MLLT3: variants seen among roughly 807,000 people sequenced by gnomAD.
The protein encoded by MLLT3 is protein AF-9.
In MLLT3, 4 loss-of-function variants were observed where a neutral mutation model predicts 53.2. The observed-to-expected ratio is 0.08, with a 90% CI of 0.04 to 0.17. MLLT3 has a LOEUF of 0.17. Among genes scored for constraint, MLLT3 ranks in the 10% least tolerant of loss-of-function variants. The pLI is 1.00. For synonymous variants in MLLT3, 283 were observed against 230.6 expected (o/e 1.23, Z -2.06); for missense variants, 569 against 684.0 (o/e 0.83, Z 1.87).
intron 2 of MLLT3, among the ~76,000 whole-genome samples, chr9:20,553,448 T>A (rs995584225): frequency 2.0e-5 from 3 of 151,988 alleles, no homozygotes; most frequent in African/African-American, 7.3e-5. Flanking sequence ...AGAAAAAAAA[T>A]CCCTCCACTC....
rs541818110 is a variant in MLLT3, at chr9:20,350,411, C to T, written c.1575+3114G>A. On this transcript the variant is annotated intron_variant, in intron 10 of 10. Transcript: ENST00000380338. The stretch of plus-strand genomic sequence containing the variant: ...GAGATCAAGACCAACCCGGCTAAAA[C>T]GGTGAAACCCCGTCTCTACTAAAAA... 2.6e-3 allele frequency among the ~76,000 whole-genome samples: 401 copies of T among 151,916 alleles called. 1 individual carries two copies. The highest frequency in any genetic ancestry group is 9.4e-3 in the African/African-American group (388 of 41,310).
At chr9:20,540,470 G>C (rs1411343070) in intron 2 of MLLT3, among the ~76,000 whole-genome samples, 1 of 152,190 alleles carries the variant, frequency 6.6e-6, no homozygotes, top group South Asian at 2.1e-4. Flanking sequence ...CACACCCACA[G>C]GTCCAACACC....
intron 5 of MLLT3, among the ~76,000 whole-genome samples, chr9:20,375,295 T>A (rs1404235939): frequency 6.6e-6 from 1 of 152,252 alleles, no homozygotes; most frequent in East Asian, 1.9e-4. Flanking sequence ...TCTAATCCAA[T>A]GCTATTTGTA....
At chr9:20,431,867 TA>T (rs1212328828) in intron 4 of MLLT3, among the ~76,000 whole-genome samples, 1 of 152,008 alleles carries the variant, frequency 6.6e-6, no homozygotes, top group Non-Finnish European at 1.5e-5. Flanking sequence ...GTCAAAGTCA[TA>T]AAAAATACAT....
At chr9:20,408,266 C>T (rs1339192904) in intron 5 of MLLT3, among the ~76,000 whole-genome samples, 1 of 150,276 alleles carries the variant, frequency 6.7e-6, no homozygotes, top group African/African-American at 2.5e-5. Context: ...AAAAGGCCTC[C>T]AACTGTTTTT....
intron 5 of MLLT3, among the ~76,000 whole-genome samples, chr9:20,404,271 T>C (rs1165917899): frequency 6.6e-6 from 1 of 152,198 alleles, no homozygotes; most frequent in African/African-American, 2.4e-5. Context: ...TATAAATCAC[T>C]AGGTTCCTAG....
chr9:20,615,240 G>A (rs1820798552), intron 2 of MLLT3, among the ~76,000 whole-genome samples: 1 of 151,608 alleles, frequency 6.6e-6, no homozygotes, highest in Non-Finnish European at 1.5e-5. Context: ...AGTCTGAGCT[G>A]TTTGGGAAAT....
intron 2 of MLLT3, among the ~76,000 whole-genome samples, chr9:20,550,085 C>T (rs1050229654): frequency 5.9e-5 from 9 of 152,174 alleles, no homozygotes; most frequent in Non-Finnish European, 1.0e-4. Flanking sequence ...CATGGACACA[C>T]GCATTAAAAT....
chr9:20,380,512 G>T (rs1246361114), intron 5 of MLLT3, among the ~76,000 whole-genome samples: 1 of 151,910 alleles, frequency 6.6e-6, no homozygotes, highest in East Asian at 1.9e-4. Flanking sequence ...CATTATTCAG[G>T]AATTATTATT....
chr9:20,581,276 T>C (rs192396312), intron 2 of MLLT3, among the ~76,000 whole-genome samples: 20 of 152,144 alleles, frequency 1.3e-4, no homozygotes, highest in African/African-American at 2.9e-4. Context: ...TAAGTGGGAG[T>C]GGGAAGAGAT....
At chr9:20,558,005 C>A (rs1384820861) in intron 2 of MLLT3, among the ~76,000 whole-genome samples, 1 of 152,134 alleles carries the variant, frequency 6.6e-6, no homozygotes, top group Non-Finnish European at 1.5e-5. Flanking sequence ...GACATCACTG[C>A]CTATTCCTCT....
chr9:20,448,689 A>G lies in MLLT3; in HGVS notation c.277-423T>C, dbSNP rs974798417. 6.6e-6 allele frequency among the ~76,000 whole-genome samples: 1 copy of G among 152,106 alleles called. No homozygotes were observed. Among genetic ancestry groups the G allele is most frequent in the South Asian group, 2.1e-4 (1 of 4,824 alleles). On this transcript the variant is annotated intron_variant, in intron 3 of 10. Coordinates refer to ENST00000380338, the MANE Select transcript of MLLT3 (RefSeq NM_004529.4). This position sits in a 1 kb window ranked among gnomAD's most constrained non-coding sequence, Gnocchi z 4.0. ...GGCTTTTACTCATGGCCCAAACTATAAACTCTCTACTTTGGGATATATTCT... is the reference window on the plus strand; with the variant it reads ...GGCTTTTACTCATGGCCCAAACTATGAACTCTCTACTTTGGGATATATTCT...
intron 5 of MLLT3, among the ~76,000 whole-genome samples, chr9:20,390,828 G>A (rs1199725899): frequency 6.6e-6 from 1 of 152,182 alleles, no homozygotes; most frequent in African/African-American, 2.4e-5. Flanking sequence ...TTAAATTGAG[G>A]TGTGCCAGGC....
chr9:20,594,144 T>C (rs945576132), intron 2 of MLLT3, among the ~76,000 whole-genome samples: 3 of 152,094 alleles, frequency 2.0e-5, no homozygotes, highest in Non-Finnish European at 4.4e-5. Flanking sequence ...TTTCACCATA[T>C]TGGTCAAGCT....
At chr9:20,520,809 T>C (rs1371953037) in intron 2 of MLLT3, among the ~76,000 whole-genome samples, 1 of 151,996 alleles carries the variant, frequency 6.6e-6, no homozygotes, top group Non-Finnish European at 1.5e-5. Context: ...CAAGGAACAT[T>C]TGGGAATAGC....
intron 6 of MLLT3, among the ~76,000 whole-genome samples, chr9:20,364,392 TG>T (rs1821398599): frequency 6.6e-6 from 1 of 152,134 alleles, no homozygotes; most frequent in Admixed American, 6.5e-5. Flanking sequence ...AATTCATCAG[TG>T]TGGCTTATTT....
chr9:20,556,942 T>C (rs1480797409), intron 2 of MLLT3, among the ~76,000 whole-genome samples: 2 of 152,164 alleles, frequency 1.3e-5, no homozygotes, highest in Non-Finnish European at 2.9e-5. Context: ...TGACAACGTA[T>C]GCAATCAGCA....
intron 2 of MLLT3, among the ~76,000 whole-genome samples, chr9:20,460,447 C>G (rs566131622): frequency 8.5e-5 from 13 of 152,296 alleles, no homozygotes; most frequent in African/African-American, 3.1e-4. Flanking sequence ...CATATTAATT[C>G]AGGCAAAATC....
At chr9:20,613,835 T>C (rs1452195538) in intron 2 of MLLT3, among the ~76,000 whole-genome samples, 1 of 152,142 alleles carries the variant, frequency 6.6e-6, no homozygotes, top group Non-Finnish European at 1.5e-5. Flanking sequence ...TTTGGTAATA[T>C]ATAACAAAAT....
Sources: gnomAD v4.1 joint callset for allele counts (sites outside exome capture counted in the v4.1 genomes callset) on GRCh38, gnomAD v4.1.1 for gene constraint, Gnocchi (gnomAD v3.1) non-coding constraint, MANE v1.5 for transcripts, NCBI Gene and HGNC (gene_info 2026-07-23, HGNC 2026-07-21) for gene names.